Variants in POU1F1 observed in about 807,000 individuals in gnomAD.
POU1F1 encodes POU class 1 homeobox 1.
POU1F1 carries 23 observed loss-of-function variants against 32.3 expected under a neutral mutation model. The ratio of observed to expected loss-of-function variants is 0.71; its 90% CI spans 0.51 to 1.01. The LOEUF (loss-of-function observed/expected upper bound fraction) is 1.01, where lower values mean the gene tolerates loss of function less well. Ranked by LOEUF, POU1F1 falls within the 50% of genes least tolerant of loss-of-function variation. The pLI is 0.00. For missense variants in POU1F1, 323 were observed against 341.6 expected (o/e 0.95, Z 0.43); for synonymous variants, 120 against 115.6 (o/e 1.04, Z -0.25).
In POU1F1 at chr3:87,262,119, G is replaced by T; in HGVS notation, c.556C>A (p.Leu186Met). Reference protein sequence around the residue: ...LQLSFKNACKLKAILSKWLEE... With the variant: ...LQLSFKNACKMKAILSKWLEE... The stretch of plus-strand genomic sequence containing the variant: ...AGCCATTTGGATAATATTGCTTTCA[G>T]TTTGCATGCATTTTTAAAGCTGAGC... Residue 186 changes from leucine to methionine, a missense_variant, in exon 4 of 6, where the codon CTG becomes ATG. Leu to Met is a conservative substitution (Grantham distance 15). Transcript: ENST00000350375. 6.2e-7 allele frequency: 1 copy of T among 1,614,070 alleles called. No individual in the cohort carries two copies.
chr3:87,259,635 CAGAG>C lies in POU1F1; in HGVS notation c.*255_*258del, dbSNP rs746818570. 12 of 437,734 alleles carry C rather than the reference CAGAG, an allele frequency of 2.7e-5. No individual in the cohort carries two copies. The highest frequency in any genetic ancestry group is 7.1e-5 in the South Asian group (3 of 42,000). 27.1% of individuals were successfully genotyped at this position (437,734 alleles called of 1,614,324 possible). A position where few individuals can be genotyped will look rare whatever the true frequency, so the allele number is the denominator to read the frequency against. ...TGTGTGAGAAAGAGAGCGGGAGAGA[CAGAG>C]AGATCATTTTATTACTGTTAATATA... On this transcript the variant is annotated 3_prime_UTR_variant, in exon 6 of 6. Transcript: ENST00000350375.
At chr3:87,271,950 G>A (rs534951686) in intron 2 of POU1F1, among the ~76,000 whole-genome samples, 1 of 152,140 alleles carries the variant, frequency 6.6e-6, no homozygotes, top group Admixed American at 6.5e-5. Context: ...TTATTTTAAA[G>A]TTTTAATGTT....
In POU1F1 at chr3:87,262,179, TG is replaced by T; in HGVS notation, c.495del (p.Phe165LeufsTer22). 6.2e-7 allele frequency: 1 copy of T among 1,614,172 alleles called. No individual in the cohort carries two copies. The highest frequency in any genetic ancestry group is 1.1e-5 in the South Asian group (1 of 91,086). Reference sequence around the variant, plus strand: ...TCAAATCGGCAGATTGTTGTTTGACTGAATTCAGAGCCATGCACAGCTGCCA... The same window carrying T: ...TCAAATCGGCAGATTGTTGTTTGACTAATTCAGAGCCATGCACAGCTGCCA... ...EALAAVHGSEFSQTTICRFEN... is the reference protein window; with the variant it reads ...EALAAVHGSEXSQTTICRFEN... On this transcript the variant is annotated frameshift_variant, in exon 4 of 6. Transcript: ENST00000350375. LOFTEE classifies it high-confidence loss of function.
chr3:87,268,876 A>T (rs544607172), intron 2 of POU1F1, among the ~76,000 whole-genome samples: 1 of 152,152 alleles, frequency 6.6e-6, no homozygotes, highest in South Asian at 2.1e-4. Context: ...ACAGAGGTAA[A>T]TCTTTTAAAG....
chr3:87,270,228 C>G (rs555390659), intron 2 of POU1F1, among the ~76,000 whole-genome samples: 6 of 152,214 alleles, frequency 3.9e-5, no homozygotes, highest in African/African-American at 1.2e-4. Flanking sequence ...TCATTTTGAG[C>G]TGACACAAAT....
Position 87,259,648 on chromosome 3 carries a change from T to A in POU1F1, c.*246A>T. 4.0e-5 allele frequency: 19 copies of A among 473,140 alleles called. No homozygotes were observed. The highest frequency in any genetic ancestry group is 1.8e-4 in the Admixed American group (5 of 27,876). 29.3% of individuals were successfully genotyped at this position (473,140 alleles called of 1,614,324 possible). A position where few individuals can be genotyped will look rare whatever the true frequency, so the allele number is the denominator to read the frequency against. On this transcript the variant is annotated 3_prime_UTR_variant, in exon 6 of 6. Coordinates refer to ENST00000350375, the MANE Select transcript of POU1F1 (RefSeq NM_000306.4). ...GAGCGGGAGAGACAGAGAGATCATTTTATTACTGTTAATATATTTGGCTTA... is the reference window on the plus strand; with the variant it reads ...GAGCGGGAGAGACAGAGAGATCATTATATTACTGTTAATATATTTGGCTTA...
intron 2 of POU1F1, among the ~76,000 whole-genome samples, chr3:87,266,123 T>C (rs1489352369): frequency 1.3e-5 from 2 of 149,758 alleles, no homozygotes; most frequent in African/African-American, 4.9e-5. Context: ...CTTACATTAA[T>C]ATATCAATAT....
intron 3 of POU1F1, 66 bp downstream of exon 3, chr3:87,264,222 A>G (rs1370260312): frequency 1.6e-6 from 2 of 1,251,752 alleles, no homozygotes; most frequent in Non-Finnish European, 2.3e-6. Context: ...AATATATAAG[A>G]GATTTAACAG....
At chr3:87,272,477 G>A (rs575208141) in intron 2 of POU1F1, among the ~76,000 whole-genome samples, 24 of 152,182 alleles carry the variant, frequency 1.6e-4, no homozygotes, top group Admixed American at 9.8e-4. Flanking sequence ...AAAATCCTGC[G>A]CATAATAAAA....
At chr3:87,273,052 A>G (rs1326654489) in intron 2 of POU1F1, among the ~76,000 whole-genome samples, 2 of 152,174 alleles carry the variant, frequency 1.3e-5, no homozygotes, top group African/African-American at 2.4e-5. Flanking sequence ...AAGCCTACCA[A>G]TAGCATCATG....
At chr3:87,266,300 TTAATG>T (rs1162941301) in intron 2 of POU1F1, among the ~76,000 whole-genome samples, 1 of 146,754 alleles carries the variant, frequency 6.8e-6, no homozygotes, top group African/African-American at 2.5e-5. Context: ...TAAATTTAAT[TTAATG>T]TATTATTTAT....
chr3:87,275,567 A>G (rs1706811481), intron 1 of POU1F1, among the ~76,000 whole-genome samples: 1 of 152,066 alleles, frequency 6.6e-6, no homozygotes, highest in East Asian at 1.9e-4. Flanking sequence ...ATCAACTCTA[A>G]AACACTTTGT....
intron 2 of POU1F1, among the ~76,000 whole-genome samples, chr3:87,265,743 A>G (rs538831244): frequency 5.3e-5 from 8 of 152,094 alleles, no homozygotes; most frequent in South Asian, 2.1e-4. Flanking sequence ...TGATTTAGAT[A>G]TTATAAGTAA....
chr3:87,269,733 C>T (rs1378532371), intron 2 of POU1F1, among the ~76,000 whole-genome samples: 1 of 152,024 alleles, frequency 6.6e-6, no homozygotes, highest in African/African-American at 2.4e-5. Context: ...ATTGGATGCT[C>T]ATCATCTTGT....
intron 2 of POU1F1, among the ~76,000 whole-genome samples, chr3:87,270,349 G>A (rs535858935): frequency 1.3e-5 from 2 of 152,164 alleles, no homozygotes; most frequent in South Asian, 4.1e-4. Flanking sequence ...TTAGTTAATG[G>A]CATGGATAAT....
In POU1F1 at chr3:87,274,124, A is replaced by C. The variant is rs568174918; in HGVS notation, c.143-706T>G. ...ATTGATACAACCATTCTAATGATAA[A>C]GCTGGTCAAAAAATGAGTTCATTCA... On this transcript the variant is annotated intron_variant, in intron 1 of 5. Coordinates refer to ENST00000350375, the MANE Select transcript of POU1F1 (RefSeq NM_000306.4). Among the ~76,000 whole-genome samples, 35 of 152,250 alleles carry C rather than the reference A, an allele frequency of 2.3e-4. No individual in the cohort carries two copies. In the South Asian group the frequency reaches 6.6e-3, roughly 29 times the overall value.
chr3:87,260,184 A>C, intron 5 of POU1F1, 80 bp from the exon 6 acceptor site: 1 of 1,047,592 alleles, frequency 9.5e-7, no homozygotes, highest in Non-Finnish European at 1.5e-6. Flanking sequence ...AGGTAGGTTG[A>C]ATTTCCTCAA....
intron 2 of POU1F1, among the ~76,000 whole-genome samples, chr3:87,268,359 G>C (rs551295748): frequency 2.0e-5 from 3 of 151,692 alleles, no homozygotes; most frequent in African/African-American, 7.3e-5. Flanking sequence ...TGCCTGCCTC[G>C]GCCTCCTAAA....
chr3:87,259,727 T>G lies in POU1F1; in HGVS notation c.*167A>C. On this transcript the variant is annotated 3_prime_UTR_variant, in exon 6 of 6. Coordinates refer to ENST00000350375, the MANE Select transcript of POU1F1 (RefSeq NM_000306.4). ...TTATTTTAAGTAAATAACATCAATATAATTTAAATTGTTGGTTTCTTTTTT... is the reference window on the plus strand; with the variant it reads ...TTATTTTAAGTAAATAACATCAATAGAATTTAAATTGTTGGTTTCTTTTTT... 1 of 633,834 alleles carries G rather than the reference T, an allele frequency of 1.6e-6. No individual in the cohort carries two copies. The highest frequency in any genetic ancestry group is 2.7e-6 in the Non-Finnish European group (1 of 371,274). The allele number at this position is 633,834 out of a possible 1,614,324, so 39.3% of individuals were successfully genotyped here.
Sources: gnomAD v4.1 joint callset for allele counts (sites outside exome capture counted in the v4.1 genomes callset) on GRCh38, gnomAD v4.1.1 for gene constraint, MANE v1.5 for transcripts, NCBI Gene and HGNC (gene_info 2026-07-23, HGNC 2026-07-21) for gene names.